FHAD1: variants seen among roughly 807,000 people sequenced by gnomAD.
FHAD1 encodes the protein forkhead-associated domain-containing protein 1.
In FHAD1, 146 loss-of-function variants were observed where a neutral mutation model predicts 191.3. That is an observed-to-expected ratio of 0.76 (90% CI 0.67 to 0.88). The LOEUF (loss-of-function observed/expected upper bound fraction) is 0.88, where lower values mean the gene tolerates loss of function less well. Among genes scored for constraint, FHAD1 ranks in the 40% least tolerant of loss-of-function variants. The pLI is 0.00. For synonymous variants in FHAD1, 616 were observed against 672.3 expected (o/e 0.92, Z 1.29); for missense variants, 1,635 against 1,785.8 (o/e 0.92, Z 1.52).
At chr1:15,351,143 A>C (rs1690711950) in intron 19 of FHAD1, among the ~76,000 whole-genome samples, 1 of 152,130 alleles carries the variant, frequency 6.6e-6, no homozygotes, top group African/African-American at 2.4e-5. Context: ...TTGGGAGTTC[A>C]AGACCAGCCT....
chr1:15,255,973 CTGCCTTG>C (rs59974790), intron 2 of FHAD1, among the ~76,000 whole-genome samples: 45,668 of 151,712 alleles, frequency 0.3, 7,657 homozygotes, highest in East Asian at 0.54. Flanking sequence ...GGCTCCCTGG[CTGCCTTG>C]TGCAGAAACC....
At chr1:15,271,173 C>T (rs1289264917) in intron 2 of FHAD1, among the ~76,000 whole-genome samples, 2 of 135,502 alleles carry the variant, frequency 1.5e-5, no homozygotes, top group Admixed American at 7.8e-5. Context: ...ATTAGCTGGG[C>T]GTGGTAGCAC....
chr1:15,346,876 A>G (rs1689109882), intron 18 of FHAD1, among the ~76,000 whole-genome samples: 1 of 152,146 alleles, frequency 6.6e-6, no homozygotes, highest in Admixed American at 6.5e-5. Context: ...TCTAGTGTAT[A>G]ATGGAGGGCC....
At chr1:15,328,563 T>C (rs902900160) in intron 13 of FHAD1, 134 bp downstream of exon 13, 24 of 720,062 alleles carry the variant, frequency 3.3e-5, no homozygotes, top group Non-Finnish European at 4.8e-5. Context: ...TTTCCTCTTG[T>C]TGGAGAAACT....
intron 1 of FHAD1, among the ~76,000 whole-genome samples, chr1:15,238,511 CA>C (rs1645026409): frequency 6.6e-6 from 1 of 152,178 alleles, no homozygotes; most frequent in East Asian, 1.9e-4. Flanking sequence ...AGGGAGGGCA[CA>C]GGAGGCCAAG....
intron 14 of FHAD1, among the ~76,000 whole-genome samples, chr1:15,337,042 C>T (rs540000705): frequency 4.5e-4 from 69 of 152,332 alleles, no homozygotes; most frequent in Non-Finnish European, 8.8e-4. Context: ...TCCACACGGA[C>T]GCCTCTGCAG....
At chr1:15,251,190 G>A (rs941404653) in intron 1 of FHAD1, among the ~76,000 whole-genome samples, 1 of 151,568 alleles carries the variant, frequency 6.6e-6, no homozygotes, top group African/African-American at 2.4e-5. Context: ...CAGGAGGATT[G>A]CTTGAGCCCA....
intron 19 of FHAD1, among the ~76,000 whole-genome samples, chr1:15,350,692 T>G (rs1240109090): frequency 6.6e-6 from 1 of 152,186 alleles, no homozygotes; most frequent in Non-Finnish European, 1.5e-5. Context: ...GTGGGTGTGG[T>G]GGCAGAACCG....
chr1:15,313,908 T>TA (rs148094417), intron 8 of FHAD1, among the ~76,000 whole-genome samples: 9,815 of 151,402 alleles, frequency 0.065, 358 homozygotes, highest in African/African-American at 0.1. Context: ...CTGTCTCTGC[T>TA]AAAAATAACA....
At position 15,296,723 on chromosome 1, in the gene FHAD1, C is replaced by T. The variant is rs1309795593; in HGVS notation, c.608C>T (p.Ala203Val). The T allele has an allele frequency of 6.4e-7, 1 of 1,552,014 alleles. No homozygotes were observed. Among genetic ancestry groups the T allele is most frequent in the East Asian group, 2.4e-5 (1 of 40,914 alleles). Reference protein sequence around the residue: ...NAMKLSEKSVAEGIPGAVPPA... With the variant: ...NAMKLSEKSVVEGIPGAVPPA... ...ATGAAACTGTCAGAAAAATCAGTGG[C>T]CGAGGGGATTCCTGGGGCAGTTCCC... is the stretch of plus-strand genomic sequence containing the variant. Residue 203 changes from alanine to valine, a missense_variant, in exon 5 of 34, where the codon GCC becomes GTC. Coordinates refer to ENST00000688493, the MANE Select transcript of FHAD1 (RefSeq NM_001391957.1).
intron 10 of FHAD1, among the ~76,000 whole-genome samples, chr1:15,322,404 G>A: frequency 6.6e-6 from 1 of 152,076 alleles, no homozygotes; most frequent in East Asian, 1.9e-4. Flanking sequence ...ATATATTGGA[G>A]CTTTTCAAGA....
At chr1:15,351,430 CCGAGT>C (rs1690826168) in intron 19 of FHAD1, among the ~76,000 whole-genome samples, 1 of 152,190 alleles carries the variant, frequency 6.6e-6, no homozygotes. Context: ...GGCCCAGAGG[CCGAGT>C]AGTTAAGGCA....
chr1:15,397,019 C>A (rs1343273723), intron 33 of FHAD1, among the ~76,000 whole-genome samples: 3 of 86,526 alleles, frequency 3.5e-5, no homozygotes, highest in East Asian at 3.2e-4. Flanking sequence ...CCCGTCTCTA[C>A]TAAAAAAAAA....
At chr1:15,375,861 T>A in intron 28 of FHAD1, 131 bp downstream of exon 28, 2 of 1,036,722 alleles carry the variant, frequency 1.9e-6, no homozygotes, top group Non-Finnish European at 2.7e-6. Context: ...CTATACTCAC[T>A]AGCTGGGGCC....
rs998162811 is a variant in FHAD1 at position 15,362,616 on chromosome 1, A to G, written c.2963-26A>G. ...AAGGGGAAGGACAGTTTCCTCTCAC[A>G]ATGATCACATGTCCCTCTGATACAG... On this transcript the variant is annotated intron_variant, in intron 22 of 33. Transcript: ENST00000688493. The G allele has an allele frequency of 3.3e-6, 5 of 1,535,154 alleles. No individual in the cohort carries two copies. The African/African-American group carries it at 5.5e-5, about 17-fold the overall frequency.
Position 15,381,363 on chromosome 1 carries a change from G to A in FHAD1, c.3934G>A (p.Val1312Met). 6.4e-7 allele frequency: 1 copy of A among 1,551,806 alleles called. No homozygotes were observed. The highest frequency in any genetic ancestry group is 8.7e-7 in the Non-Finnish European group (1 of 1,147,016). Residue 1312 changes from valine (V) to methionine (M), a missense_variant, in exon 30 of 34, where the codon GTG (valine) becomes ATG (methionine). Val to Met is a conservative substitution (Grantham distance 21, BLOSUM62 1). Transcript: ENST00000688493. The surrounding 1 kb of genome is among the most constrained non-coding windows in gnomAD (Gnocchi z 4.6). Reference sequence around the variant, plus strand: ...GCTTCGACAAAGGGACCTCGACCTGGTGTTTGATAAGATCACCCAACTCAA... The same window carrying A: ...GCTTCGACAAAGGGACCTCGACCTGATGTTTGATAAGATCACCCAACTCAA... ...NQLRQRDLDL[V>M]FDKITQLKNQ...
rs1467385374 is a variant in FHAD1 at position 15,329,232 on chromosome 1, T to C, written c.1711-114T>C. On this transcript the variant is annotated intron_variant, in intron 13 of 33. Coordinates refer to ENST00000688493, the MANE Select transcript of FHAD1 (RefSeq NM_001391957.1). This position sits in a 1 kb window ranked among gnomAD's most constrained non-coding sequence, Gnocchi z 5.0. ...AACTGAGTCCTCCCAAGGCGGCCAA[T>C]ACGTGGCGCTGCCTGCTTCGTGGCA... is the stretch of plus-strand genomic sequence containing the variant. 2.6e-5 allele frequency: 22 copies of C among 837,514 alleles called. No homozygotes were observed. Among genetic ancestry groups the C allele is most frequent in the Non-Finnish European group, 3.7e-5 (21 of 564,830 alleles). 51.9% of individuals were successfully genotyped at this position (837,514 alleles called of 1,614,324 possible).
chr1:15,363,357 A>G (rs1169379223), intron 23 of FHAD1, among the ~76,000 whole-genome samples: 1 of 152,130 alleles, frequency 6.6e-6, no homozygotes, highest in Non-Finnish European at 1.5e-5. Context: ...TAAAGGCCCC[A>G]CCTCTCAATA....
At chr1:15,248,930 A>G (rs1573610780) in intron 1 of FHAD1, among the ~76,000 whole-genome samples, 1 of 150,994 alleles carries the variant, frequency 6.6e-6, no homozygotes, top group Non-Finnish European at 1.5e-5. Flanking sequence ...TGCCCTGGAT[A>G]GGGACACTAT....
Sources: gnomAD v4.1 joint callset for allele counts (sites outside exome capture counted in the v4.1 genomes callset) on GRCh38, gnomAD v4.1.1 for gene constraint, Gnocchi (gnomAD v3.1) non-coding constraint, MANE v1.5 for transcripts, NCBI Gene and HGNC (gene_info 2026-07-23, HGNC 2026-07-21) for gene names.